The following HTRA1 variants were observed in gnomAD, a reference collection of about 807,000 sequenced individuals.
HTRA1 encodes the protein serine protease HTRA1.
HTRA1 carries 26 observed loss-of-function variants against 49.7 expected under a neutral mutation model. That is an observed-to-expected ratio of 0.52 (90% CI 0.38 to 0.73). The LOEUF is 0.73. HTRA1 is among the 30% of genes least tolerant of loss of function. The pLI is 0.00. For synonymous variants in HTRA1, 291 were observed against 286.9 expected (o/e 1.01, Z -0.14); for missense variants, 561 against 667.2 (o/e 0.84, Z 1.75).
chr10:122,477,214 A>G (rs997754769), intron 1 of HTRA1, among the ~76,000 whole-genome samples: 74 of 151,948 alleles, frequency 4.9e-4, no homozygotes, highest in Non-Finnish European at 7.5e-4. Context: ...TGATCTGCCC[A>G]CCTTGGCCTC....
intron 4 of HTRA1, 46 bp from the exon 5 acceptor site, chr10:122,507,324 A>G (rs1213767051): frequency 1.9e-6 from 3 of 1,551,154 alleles, no homozygotes; most frequent in Non-Finnish European, 2.7e-6. Context: ...AGATTGAACC[A>G]TGTTATGACA....
chr10:122,496,224 G>GTTTTTTTTTTTTTTTTTT (rs1565427091), intron 3 of HTRA1, among the ~76,000 whole-genome samples: 5 of 32,064 alleles, frequency 1.6e-4, no homozygotes, highest in Non-Finnish European at 2.5e-4. Flanking sequence ...AGAGATTGTG[G>GTTTTTTTTTTTTTTTTTT]GTTCTTTTTT....
intron 1 of HTRA1, among the ~76,000 whole-genome samples, chr10:122,468,621 TGGGCAGAGG>T (rs2097484820): frequency 6.6e-6 from 1 of 152,210 alleles, no homozygotes; most frequent in African/African-American, 2.4e-5. Flanking sequence ...AAAGGTTCTC[TGGGCAGAGG>T]TATCCAAAGT....
intron 3 of HTRA1, among the ~76,000 whole-genome samples, chr10:122,501,690 C>T (rs984914407): frequency 2.6e-5 from 4 of 152,232 alleles, no homozygotes; most frequent in Non-Finnish European, 4.4e-5. Flanking sequence ...TGGATACTGC[C>T]GATGACCTAC....
intron 1 of HTRA1, among the ~76,000 whole-genome samples, chr10:122,474,753 C>T (rs1367329474): frequency 6.6e-6 from 1 of 151,572 alleles, no homozygotes; most frequent in Non-Finnish European, 1.5e-5. Context: ...ATTCAGGAGG[C>T]ATCTGAAAAA....
At chr10:122,468,185 C>G (rs2097484556) in intron 1 of HTRA1, among the ~76,000 whole-genome samples, 1 of 152,142 alleles carries the variant, frequency 6.6e-6, no homozygotes, top group Admixed American at 6.5e-5. Context: ...AAGGGCTGGG[C>G]TTCTGAAGTC....
At chr10:122,504,562 C>T (rs979849078) in intron 3 of HTRA1, among the ~76,000 whole-genome samples, 1 of 152,184 alleles carries the variant, frequency 6.6e-6, no homozygotes, top group Non-Finnish European at 1.5e-5. Context: ...CCTGTGCCAC[C>T]CCATCCCTTT....
intron 3 of HTRA1, among the ~76,000 whole-genome samples, chr10:122,501,086 G>A (rs1056577623): frequency 2.0e-5 from 3 of 152,266 alleles, no homozygotes; most frequent in South Asian, 2.1e-4. Context: ...TCCCAGTCCC[G>A]GTACCACCCC....
At chr10:122,474,476 C>T (rs927270671) in intron 1 of HTRA1, among the ~76,000 whole-genome samples, 2 of 152,200 alleles carry the variant, frequency 1.3e-5, no homozygotes, top group Non-Finnish European at 2.9e-5. Context: ...GGCCCTCCTC[C>T]TGCACCAGGG....
intron 1 of HTRA1, among the ~76,000 whole-genome samples, chr10:122,479,734 A>C (rs1413531312): frequency 6.6e-6 from 1 of 151,566 alleles, no homozygotes. Flanking sequence ...AGTCGTGGGG[A>C]GAGTGGAGGA....
Position 122,461,649 on chromosome 10 carries a change from C to G in HTRA1, c.-4C>G. ...CCGCCACCGCCGCCGCCGCCAGAGT[C>G]GCCATGCAGATCCCGCGCGCCGCTC... On this transcript the variant is annotated 5_prime_UTR_variant, in exon 1 of 9. Transcript: ENST00000368984. 1 of 1,308,826 alleles carries G rather than the reference C, an allele frequency of 7.6e-7. No homozygotes were observed. The highest frequency in any genetic ancestry group is 1.6e-5 in the African/African-American group (1 of 63,028). 81.1% of individuals were successfully genotyped at this position (1,308,826 alleles called of 1,614,324 possible).
chr10:122,483,390 CA>C (rs775283993), intron 1 of HTRA1, among the ~76,000 whole-genome samples: 5 of 152,162 alleles, frequency 3.3e-5, no homozygotes, highest in Admixed American at 1.3e-4. Flanking sequence ...TGTTAAAAAT[CA>C]GTAATGAGAA....
chr10:122,511,209 C>T (rs572958446), intron 7 of HTRA1, among the ~76,000 whole-genome samples: 26 of 152,144 alleles, frequency 1.7e-4, no homozygotes, highest in Non-Finnish European at 3.1e-4. Context: ...ATGTATCACA[C>T]GTACTGGGCC....
Position 122,496,224 on chromosome 10 carries a change from G to GTTTTTTTTTTTTTTT in HTRA1, c.777+6598_777+6599insTTTTTTTTTTTTTTT, listed in dbSNP as rs1565427091. Among the ~76,000 whole-genome samples, 16 of 32,106 alleles carry GTTTTTTTTTTTTTTT rather than the reference G, an allele frequency of 5.0e-4. 1 individual carries two copies. The highest frequency in any genetic ancestry group is 1.8e-3 in the East Asian group (3 of 1,650). The allele number at this position is 32,106 out of a possible 152,430, so 21.1% of individuals were successfully genotyped here. ...GCCCTTTCGTTTGCCAGAGATTGTG[G>GTTTTTTTTTTTTTTT]GTTCTTTTTTTTTTTTTTTTTTTTT... On this transcript the variant is annotated intron_variant, in intron 3 of 8. Coordinates refer to ENST00000368984, the MANE Select transcript of HTRA1 (RefSeq NM_002775.5).
intron 1 of HTRA1, among the ~76,000 whole-genome samples, chr10:122,481,194 G>A (rs943778994): frequency 1.8e-4 from 27 of 152,114 alleles, no homozygotes; most frequent in Admixed American, 6.5e-4. Context: ...CCTGCACCAG[G>A]GGAACCAGCA....
intron 3 of HTRA1, among the ~76,000 whole-genome samples, chr10:122,498,500 T>G (rs1301818145): frequency 1.3e-5 from 2 of 152,198 alleles, no homozygotes; most frequent in African/African-American, 4.8e-5. Context: ...CTTCTCACTC[T>G]TGGTCCACCA....
intron 5 of HTRA1, 115 bp from the exon 6 acceptor site, chr10:122,508,541 C>G: frequency 2.5e-6 from 2 of 802,446 alleles, no homozygotes; most frequent in Non-Finnish European, 4.5e-6. Flanking sequence ...CCTTGCATCT[C>G]CCCACTTCGA....
intron 1 of HTRA1, among the ~76,000 whole-genome samples, chr10:122,469,995 G>A (rs568536113): frequency 6.6e-6 from 1 of 152,254 alleles, no homozygotes; most frequent in South Asian, 2.1e-4. Flanking sequence ...GGTCTAGAAT[G>A]TGGTCTGTCT....
At position 122,486,769 on chromosome 10, in the gene HTRA1, T is replaced by C. The variant is rs536817837; in HGVS notation, c.473-2133T>C. Among the ~76,000 whole-genome samples the C allele has an allele frequency of 3.9e-5, 6 of 152,252 alleles. No individual in the cohort carries two copies. The East Asian group carries it at 5.8e-4, about 15-fold the overall frequency. Reference sequence around the variant, plus strand: ...GTGTGTGTGTGTGTATGCGTCTGTATGTATGTGTGCATTTGCATGTATATA... The same window carrying C: ...GTGTGTGTGTGTGTATGCGTCTGTACGTATGTGTGCATTTGCATGTATATA... On this transcript the variant is annotated intron_variant, in intron 1 of 8. Coordinates refer to ENST00000368984, the MANE Select transcript of HTRA1 (RefSeq NM_002775.5).
Sources: allele counts gnomAD v4.1 joint callset (sites outside exome capture counted in the v4.1 genomes callset), GRCh38; gene constraint gnomAD v4.1.1; transcripts MANE v1.5; gene names NCBI Gene and HGNC (gene_info 2026-07-23, HGNC 2026-07-21).